The following TESK2 variants were observed in gnomAD, a reference collection of about 807,000 sequenced individuals.
TESK2 encodes testis associated actin remodelling kinase 2.
Under a neutral mutation model 57.1 loss-of-function variants are expected in TESK2, and 39 were observed. That is an observed-to-expected ratio of 0.68 (90% CI 0.53 to 0.89). The LOEUF is 0.89. Among genes scored for constraint, TESK2 ranks in the 40% least tolerant of loss-of-function variants. TESK2 has a pLI of 0.00. For synonymous variants in TESK2, 249 were observed against 267.9 expected (o/e 0.93, Z 0.69); for missense variants, 646 against 732.1 (o/e 0.88, Z 1.36).
chr1:45,485,656 T>C (rs1653445796), intron 1 of TESK2, among the ~76,000 whole-genome samples: 1 of 151,766 alleles, frequency 6.6e-6, no homozygotes, highest in African/African-American at 2.4e-5. Context: ...GTAGCTGAGA[T>C]AGCAGGCGCA....
At chr1:45,363,831 A>T (rs920077306) in intron 4 of TESK2, among the ~76,000 whole-genome samples, 4 of 152,078 alleles carry the variant, frequency 2.6e-5, no homozygotes, top group African/African-American at 7.2e-5. Flanking sequence ...ATTGAATCTC[A>T]TCTCAGACTA....
At chr1:45,355,590 C>T (rs111716876) in intron 4 of TESK2, 141 bp from the exon 5 acceptor site, 3 of 858,008 alleles carry the variant, frequency 3.5e-6, no homozygotes, top group African/African-American at 3.4e-5. Context: ...CCTCCAAGCA[C>T]TATGGTAGGT....
intron 3 of TESK2, among the ~76,000 whole-genome samples, chr1:45,403,160 G>T (rs554407572): frequency 6.6e-6 from 1 of 151,168 alleles, no homozygotes; most frequent in East Asian, 1.9e-4. Flanking sequence ...GCACGCCTGT[G>T]GTCCTAGCTA....
Position 45,344,740 on chromosome 1 carries a change from G to T in TESK2, c.*100C>A. ...GAGCCTGGCTTGGCCTAGCCTGCCT[G>T]CTCTGTAGGCTCCAGGGAAGAATCA... On this transcript the variant is annotated 3_prime_UTR_variant, in exon 11 of 11. Transcript: ENST00000372086. 1 of 1,198,758 alleles carries T rather than the reference G, an allele frequency of 8.3e-7. No homozygotes were observed. The allele number at this position is 1,198,758 out of a possible 1,614,324, so 74.3% of individuals were successfully genotyped here.
intron 3 of TESK2, among the ~76,000 whole-genome samples, chr1:45,386,345 C>CAAAAAAAA (rs11314981): frequency 2.2e-5 from 1 of 45,978 alleles, no homozygotes; most frequent in Non-Finnish European, 4.2e-5. Context: ...GACTTTGACT[C>CAAAAAAAA]AAAAAAAAAA....
At chr1:45,353,556 G>T (rs1053919986) in intron 5 of TESK2, among the ~76,000 whole-genome samples, 1 of 152,192 alleles carries the variant, frequency 6.6e-6, no homozygotes, top group African/African-American at 2.4e-5. Context: ...CCCTTCATCT[G>T]GGGCAGAAGG....
At chr1:45,346,031 C>T (rs1647139423) in intron 9 of TESK2, 37 bp from the exon 10 acceptor site, 3 of 1,460,392 alleles carry the variant, frequency 2.1e-6, no homozygotes, top group Non-Finnish European at 2.9e-6. Context: ...CTCTGCCCTC[C>T]ATCTCCCACC....
At chr1:45,363,654 TG>T (rs1647787687) in intron 4 of TESK2, among the ~76,000 whole-genome samples, 1 of 152,124 alleles carries the variant, frequency 6.6e-6, no homozygotes. Flanking sequence ...TAGGCAGGGT[TG>T]GGGATAAGAA....
Position 45,483,280 on chromosome 1 carries a change from CA to C in TESK2, c.-87+7571del, listed in dbSNP as rs753864816. 1.2e-3 allele frequency among the ~76,000 whole-genome samples: 137 copies of C among 118,474 alleles called. No individual in the cohort carries two copies. In the East Asian group the frequency reaches 0.013, roughly 11 times the overall value. The allele number at this position is 118,474 out of a possible 152,430, so 77.7% of individuals were successfully genotyped here. On this transcript the variant is annotated intron_variant, in intron 1 of 10. Coordinates refer to ENST00000372086, the MANE Select transcript of TESK2 (RefSeq NM_007170.3). ...TGGACAATAGAGAGAGACTTCGTCTCAAAAAAAAAAAAACAACAACAACAAA... is the reference window on the plus strand; with the variant it reads ...TGGACAATAGAGAGAGACTTCGTCTCAAAAAAAAAAAACAACAACAACAAA...
chr1:45,415,266 G>A, intron 3 of TESK2: 1 of 1,398,936 alleles, frequency 7.1e-7, no homozygotes, highest in Non-Finnish European at 1.0e-6. Flanking sequence ...TGAATATTGT[G>A]GAGGCCATGG....
At chr1:45,437,167 T>C (rs1651265040) in intron 2 of TESK2, among the ~76,000 whole-genome samples, 1 of 152,124 alleles carries the variant, frequency 6.6e-6, no homozygotes, top group Admixed American at 6.5e-5. Flanking sequence ...GTTTTAACAA[T>C]ATTAATTCTT....
intron 4 of TESK2, among the ~76,000 whole-genome samples, chr1:45,381,539 G>A (rs985678655): frequency 6.6e-6 from 1 of 152,170 alleles, no homozygotes; most frequent in Non-Finnish European, 1.5e-5. Flanking sequence ...AGGAGGATGA[G>A]CCAGAGCAAA....
intron 3 of TESK2, among the ~76,000 whole-genome samples, chr1:45,393,282 T>A (rs1649221396): frequency 6.6e-6 from 1 of 152,130 alleles, no homozygotes; most frequent in African/African-American, 2.4e-5. Flanking sequence ...TCTGCTTTCT[T>A]CCCACCCTCT....
chr1:45,368,919 T>G (rs547377474), intron 4 of TESK2, among the ~76,000 whole-genome samples: 7 of 151,046 alleles, frequency 4.6e-5, no homozygotes, highest in Admixed American at 2.0e-4. Flanking sequence ...TGGCTAATTT[T>G]TGTGTGTGTG....
At chr1:45,384,461 C>A (rs1648795688) in intron 4 of TESK2, among the ~76,000 whole-genome samples, 1 of 151,672 alleles carries the variant, frequency 6.6e-6, no homozygotes, top group Admixed American at 6.6e-5. Flanking sequence ...ACTCTGTTGC[C>A]CAGGCTGGAG....
rs146068382 is a variant in TESK2 at position 45,484,592 on chromosome 1, C to T, written c.-87+6260G>A. On this transcript the variant is annotated intron_variant, in intron 1 of 10. Coordinates refer to ENST00000372086, the MANE Select transcript of TESK2 (RefSeq NM_007170.3). ...GTCTACTAAAAATTAAAAAATTAGC[C>T]GGGCGTGGTGGTGCACGGCTACTCA... Among the ~76,000 whole-genome samples the T allele has an allele frequency of 2.9e-3, 433 of 151,674 alleles. 2 individuals carry two copies. The highest frequency in any genetic ancestry group is 0.018 in the East Asian group (91 of 5,096).
At chr1:45,428,312 A>G (rs1049344771) in intron 2 of TESK2, among the ~76,000 whole-genome samples, 1 of 152,190 alleles carries the variant, frequency 6.6e-6, no homozygotes, top group African/African-American at 2.4e-5. Context: ...ATTTGAATAC[A>G]AACTATGCAA....
chr1:45,413,965 C>T, intron 3 of TESK2: 1 of 378,256 alleles, frequency 2.6e-6, no homozygotes, highest in Non-Finnish European at 5.3e-6. Flanking sequence ...TAAGTATTAA[C>T]AGCAAATTGC....
At chr1:45,350,348 C>T (rs921880966) in intron 5 of TESK2, among the ~76,000 whole-genome samples, 5 of 152,138 alleles carry the variant, frequency 3.3e-5, no homozygotes, top group African/African-American at 9.7e-5. Flanking sequence ...TCAGTATTAA[C>T]ACTGAATAAA....
Sources: gnomAD v4.1 joint callset for allele counts (sites outside exome capture counted in the v4.1 genomes callset) on GRCh38, gnomAD v4.1.1 for gene constraint, MANE v1.5 for transcripts, NCBI Gene and HGNC (gene_info 2026-07-23, HGNC 2026-07-21) for gene names.